Variants in ERBIN observed in about 807,000 individuals in gnomAD.
ERBIN encodes erbb2 interacting protein.
Under a neutral mutation model 158.4 loss-of-function variants are expected in ERBIN, and 60 were observed. The observed-to-expected ratio is 0.38, with a 90% CI of 0.31 to 0.47. ERBIN has a LOEUF of 0.47. ERBIN is among the 20% of genes least tolerant of loss of function. The pLI, the probability that ERBIN is intolerant of heterozygous loss-of-function variation, is 0.99. For synonymous variants in ERBIN, 594 were observed against 557.2 expected (o/e 1.07, Z -0.93); for missense variants, 1,610 against 1,648.0 (o/e 0.98, Z 0.40).
intron 1 of ERBIN, among the ~76,000 whole-genome samples, chr5:65,955,186 T>C (rs1746954533): frequency 6.6e-6 from 1 of 152,224 alleles, no homozygotes; most frequent in Admixed American, 6.5e-5. Flanking sequence ...ATTTTTTTTC[T>C]AAAGAAAATT....
intron 2 of ERBIN, among the ~76,000 whole-genome samples, chr5:65,989,620 C>CAAGT: frequency 6.6e-6 from 1 of 152,330 alleles, no homozygotes; most frequent in Admixed American, 6.5e-5. Context: ...TCTCCATGAA[C>CAAGT]AATTACTTGA....
At chr5:66,034,036 G>A (rs1757145016) in intron 14 of ERBIN, among the ~76,000 whole-genome samples, 1 of 151,346 alleles carries the variant, frequency 6.6e-6, no homozygotes, top group Admixed American at 6.6e-5. Context: ...TTGAACCCAG[G>A]AGGCGGACGT....
chr5:66,050,226 CTTTTTT>C lies in ERBIN; in HGVS notation c.1904-526_1904-521del, dbSNP rs869119758. Among the ~76,000 whole-genome samples the C allele has an allele frequency of 4.1e-4, 4 of 9,738 alleles. 1 individual carries two copies. Among genetic ancestry groups the C allele is most frequent in the African/African-American group, 2.1e-3 (4 of 1,874 alleles). 6.4% of individuals were successfully genotyped at this position (9,738 alleles called of 152,430 possible). A position where few individuals can be genotyped will look rare whatever the true frequency, so the allele number is the denominator to read the frequency against. On this transcript the variant is annotated intron_variant, in intron 19 of 25. Coordinates refer to ENST00000284037, the MANE Select transcript of ERBIN (RefSeq NM_001253697.2). ...ACCTTGTCAGTAACTAAATCGAATT[CTTTTTT>C]TTTTTTTTTTTTTTTTTTTTTTTTT...
Position 66,028,274 on chromosome 5 carries a change from A to G in ERBIN, c.1137A>G (p.Arg379=). ...TTTTGTTTGTATTTTTTTCCTACAG[A>G]TTAAAGAATTTACCCTTTAGCTTTA... is the stretch of plus-strand genomic sequence containing the variant. The part of the protein sequence containing the change: ...KLKVINLSDN[R]LKNLPFSFTK... Residue 379 remains arginine (R), a splice_region_variant and synonymous_variant, in exon 14 of 26, where the codon AGA becomes AGG. Coordinates refer to ENST00000284037, the MANE Select transcript of ERBIN (RefSeq NM_001253697.2). The G allele has an allele frequency of 6.2e-7, 1 of 1,606,002 alleles. No homozygotes were observed. The highest frequency in any genetic ancestry group is 1.3e-5 in the African/African-American group (1 of 74,664).
At chr5:65,986,628 C>T (rs1751266129) in intron 1 of ERBIN, among the ~76,000 whole-genome samples, 1 of 152,150 alleles carries the variant, frequency 6.6e-6, no homozygotes, top group South Asian at 2.1e-4. Flanking sequence ...GATGTATGTA[C>T]TTTTTATTAA....
intron 21 of ERBIN, among the ~76,000 whole-genome samples, chr5:66,070,717 T>G (rs984286731): frequency 1.3e-5 from 2 of 152,230 alleles, no homozygotes; most frequent in African/African-American, 4.8e-5. Context: ...ATTCATTGCA[T>G]AAATACACAA....
chr5:66,052,648 A>G (rs913357215), intron 20 of ERBIN, among the ~76,000 whole-genome samples: 1 of 152,112 alleles, frequency 6.6e-6, no homozygotes, highest in African/African-American at 2.4e-5. Context: ...TAATGGGAAG[A>G]CCAGTATTAG....
chr5:65,945,178 A>G (rs1745589031), intron 1 of ERBIN, among the ~76,000 whole-genome samples: 3 of 152,214 alleles, frequency 2.0e-5, no homozygotes, highest in Admixed American at 6.5e-5. Flanking sequence ...TGAATGTCTT[A>G]CAGATTTAAA....
At chr5:65,937,637 G>A (rs981405506) in intron 1 of ERBIN, among the ~76,000 whole-genome samples, 9 of 152,114 alleles carry the variant, frequency 5.9e-5, no homozygotes, top group Non-Finnish European at 2.9e-5. Context: ...GGCCGGGTGC[G>A]GTGGCTCATG....
intron 1 of ERBIN, among the ~76,000 whole-genome samples, chr5:65,987,366 C>CCACACACACACA (rs1751346634): frequency 9.8e-5 from 1 of 10,234 alleles, no homozygotes; most frequent in African/African-American, 5.2e-4. Context: ...GAGAGACTGT[C>CCACACACACACA]TACACACACA....
intron 1 of ERBIN, among the ~76,000 whole-genome samples, chr5:65,955,636 A>T (rs902225941): frequency 6.6e-6 from 1 of 151,980 alleles, no homozygotes; most frequent in Non-Finnish European, 1.5e-5. Context: ...CAAACAAACA[A>T]ACATCAGAAT....
At chr5:66,036,426 T>A (rs1232799808) in intron 14 of ERBIN, among the ~76,000 whole-genome samples, 1 of 152,208 alleles carries the variant, frequency 6.6e-6, no homozygotes, top group Non-Finnish European at 1.5e-5. Context: ...AGTTCTGCTT[T>A]CTTGGAACAT....
intron 1 of ERBIN, among the ~76,000 whole-genome samples, chr5:65,943,121 C>G (rs766049945): frequency 3.3e-5 from 5 of 152,138 alleles, no homozygotes; most frequent in African/African-American, 4.8e-5. Flanking sequence ...AGGCTTCACT[C>G]TTTGTGTTGT....
At chr5:65,993,085 A>G (rs1312945094) in intron 3 of ERBIN, among the ~76,000 whole-genome samples, 178 bp downstream of exon 3, 1 of 152,140 alleles carries the variant, frequency 6.6e-6, no homozygotes, top group Non-Finnish European at 1.5e-5. Context: ...TAAAACTTGT[A>G]TTTCTTCAAG....
In ERBIN at chr5:65,993,851, A is replaced by C. The variant is rs116632489; in HGVS notation, c.190-896A>C. Among the ~76,000 whole-genome samples the C allele has an allele frequency of 5.2e-3, 793 of 152,332 alleles. 9 individuals are homozygous for C. Among genetic ancestry groups the C allele is most frequent in the African/African-American group, 0.018 (753 of 41,580 alleles). ...AAACTGTGGGATATACTTGTACTAA[A>C]AAATTATTTGTTGTTTGTCTGAAAT... On this transcript the variant is annotated intron_variant, in intron 3 of 25. Coordinates refer to ENST00000284037, the MANE Select transcript of ERBIN (RefSeq NM_001253697.2).
At chr5:66,002,417 G>A (rs1034354448) in intron 4 of ERBIN, among the ~76,000 whole-genome samples, 3 of 151,286 alleles carry the variant, frequency 2.0e-5, no homozygotes, top group Non-Finnish European at 4.4e-5. Context: ...CTGAGAAGAT[G>A]TGATTAAAAC....
At chr5:65,999,631 T>C (rs1752818610) in intron 4 of ERBIN, among the ~76,000 whole-genome samples, 1 of 152,222 alleles carries the variant, frequency 6.6e-6, no homozygotes, top group Non-Finnish European at 1.5e-5. Context: ...GTTGTGTCTC[T>C]GGTCCTTTTA....
intron 7 of ERBIN, among the ~76,000 whole-genome samples, chr5:66,020,636 G>A (rs984797714): frequency 6.7e-6 from 1 of 148,722 alleles, no homozygotes; most frequent in African/African-American, 2.5e-5. Context: ...TGTAAAAGGA[G>A]AGAGAAAAGA....
intron 22 of ERBIN, among the ~76,000 whole-genome samples, chr5:66,073,429 T>A (rs1761705171): frequency 6.6e-6 from 1 of 152,174 alleles, no homozygotes; most frequent in Non-Finnish European, 1.5e-5. Flanking sequence ...GTAGGGCTAA[T>A]ATAGCCCTTC....
Sources: allele counts gnomAD v4.1 joint callset (sites outside exome capture counted in the v4.1 genomes callset), GRCh38; gene constraint gnomAD v4.1.1; transcripts MANE v1.5; gene names NCBI Gene and HGNC (gene_info 2026-07-23, HGNC 2026-07-21).